RP2: variants seen among roughly 807,000 people sequenced by gnomAD.
The protein encoded by RP2 is protein XRP2.
Under a neutral mutation model 20.3 loss-of-function variants are expected in RP2, and 3 were observed. The observed-to-expected ratio is 0.15, with a 90% CI of 0.07 to 0.38. RP2 has a LOEUF of 0.38. RP2 is among the 10% of genes least tolerant of loss of function. RP2 has a pLI of 1.00. For missense variants in RP2, 233 were observed against 268.5 expected, an observed-to-expected ratio of 0.87 and a Z score of 0.92; for synonymous variants, 75 against 94.8, an observed-to-expected ratio of 0.79 and a Z score of 1.22.
In RP2 at chrX:46,864,258, G is replaced by A. The variant is rs1031987533; in HGVS notation, c.883+4156G>A. Among the ~76,000 whole-genome samples the A allele has an allele frequency of 4.5e-5, 5 of 111,545 alleles. No individual in the cohort carries two copies. In the East Asian group the frequency reaches 1.1e-3, roughly 25 times the overall value. On this transcript the variant is annotated intron_variant, in intron 3 of 4. Transcript: ENST00000218340. ...GTTGAGGCTGCAGTGACCCATGATC[G>A]TGCCACTGCACTCGAGCTTGGGCAG...
chrX:46,838,025 C>T (rs1464862253), intron 1 of RP2, among the ~76,000 whole-genome samples: 1 of 112,605 alleles, frequency 8.9e-6, no homozygotes, highest in Non-Finnish European at 1.9e-5. Flanking sequence ...ACATAGTTCT[C>T]CATTTGTGCT....
chrX:46,881,700 C>T lies in RP2; in HGVS notation c.*1931C>T, dbSNP rs1925472629. On this transcript the variant is annotated 3_prime_UTR_variant, in exon 5 of 5. Transcript: ENST00000218340. ...ACGTTGGTCAGGCTGGTCTCGAACT[C>T]CTGACCTCAGGTGATCCGTCCACCT... The T allele has an allele frequency of 9.0e-6, 1 of 110,696 alleles. No individual in the cohort carries two copies. The highest frequency in any genetic ancestry group is 1.9e-5 in the Non-Finnish European group (1 of 52,996). The allele number at this position is 110,696 out of a possible 1,213,427, so 9.1% of individuals were successfully genotyped here. A position where few individuals can be genotyped will look rare whatever the true frequency, so the allele number is the denominator to read the frequency against.
chrX:46,877,461 A>G lies in RP2; in HGVS notation c.884-44A>G, dbSNP rs542369222. 152 of 865,342 alleles carry G rather than the reference A, an allele frequency of 1.8e-4. 1 individual carries two copies. The South Asian group carries it at 2.5e-3, about 14-fold the overall frequency. 71.3% of individuals were successfully genotyped at this position (865,342 alleles called of 1,213,427 possible). A position where few individuals can be genotyped will look rare whatever the true frequency, so the allele number is the denominator to read the frequency against. Reference sequence around the variant, plus strand: ...AATAAAAAGATTAAATTTAGAATATATTTGTATTTGTGTTAAGAAAATGTT... The same window carrying G: ...AATAAAAAGATTAAATTTAGAATATGTTTGTATTTGTGTTAAGAAAATGTT... On this transcript the variant is annotated intron_variant, in intron 3 of 4. Transcript: ENST00000218340.
chrX:46,879,364 T>C (rs782199185), intron 4 of RP2, among the ~76,000 whole-genome samples: 26 of 111,728 alleles, frequency 2.3e-4, no homozygotes, highest in Non-Finnish European at 4.5e-4. Context: ...AAAGAGTTTT[T>C]TAAGTGACTC....
Position 46,863,950 on chromosome X carries a change from C to A in RP2, c.883+3848C>A, listed in dbSNP as rs193088752. Among the ~76,000 whole-genome samples, 13 of 111,886 alleles carry A rather than the reference C, an allele frequency of 1.2e-4. No individual in the cohort carries two copies. The East Asian group carries it at 3.6e-3, about 31-fold the overall frequency. Reference sequence around the variant, plus strand: ...TATTTGACTGCTTAATAAGAGAATTCATTGTTTTCCATCATGAGGATCTCC... The same window carrying A: ...TATTTGACTGCTTAATAAGAGAATTAATTGTTTTCCATCATGAGGATCTCC... On this transcript the variant is annotated intron_variant, in intron 3 of 4. Transcript: ENST00000218340.
chrX:46,856,949 C>T (rs7886511), intron 2 of RP2, among the ~76,000 whole-genome samples: 24 of 111,336 alleles, frequency 2.2e-4, no homozygotes, highest in African/African-American at 5.2e-4. Flanking sequence ...GAGATGAGTT[C>T]GCAGGGAAAT....
intron 3 of RP2, among the ~76,000 whole-genome samples, chrX:46,864,470 C>T (rs372870620): frequency 1.8e-4 from 19 of 108,058 alleles, no homozygotes; most frequent in East Asian, 2.9e-4. Flanking sequence ...CCTCTGACTC[C>T]GGAGCTCGAG....
intron 1 of RP2, 56 bp from the exon 2 acceptor site, chrX:46,853,420 T>A: frequency 9.1e-7 from 1 of 1,094,621 alleles, no homozygotes; most frequent in Non-Finnish European, 1.2e-6. Flanking sequence ...AGTCCTTTAG[T>A]TGATACTTGT....
At chrX:46,850,065 T>C (rs1464871049) in intron 1 of RP2, among the ~76,000 whole-genome samples, 2 of 112,157 alleles carry the variant, frequency 1.8e-5, no homozygotes, top group Non-Finnish European at 3.8e-5. Context: ...CATAACAAAA[T>C]ACCACAGACT....
chrX:46,853,437 A>G (rs1556318511), intron 1 of RP2, 39 bp from the exon 2 acceptor site: 1 of 1,159,620 alleles, frequency 8.6e-7, no homozygotes, highest in African/African-American at 1.8e-5. Context: ...TTGTTGAATA[A>G]TGTTAATAAT....
intron 1 of RP2, among the ~76,000 whole-genome samples, chrX:46,839,077 CCA>C (rs1388072478): frequency 9.0e-6 from 1 of 110,985 alleles, no homozygotes; most frequent in Non-Finnish European, 1.9e-5. Context: ...GAAAAAAACC[CCA>C]GTTTTAAAAT....
intron 1 of RP2, among the ~76,000 whole-genome samples, chrX:46,851,013 T>C (rs1924850388): frequency 8.9e-6 from 1 of 111,911 alleles, no homozygotes; most frequent in African/African-American, 3.2e-5. Context: ...TGCCTCATAC[T>C]GCAGACCAGT....
chrX:46,848,969 G>T (rs184309132), intron 1 of RP2, among the ~76,000 whole-genome samples: 41 of 108,447 alleles, frequency 3.8e-4, no homozygotes, highest in African/African-American at 1.4e-3. Flanking sequence ...GGTCGAGGCT[G>T]CAGTGAGCTG....
In RP2 at chrX:46,880,898, C is replaced by G. The variant is rs1556328618; in HGVS notation, c.*1129C>G. ...TCTGTTTTAAGGGGTATGTTGTAAT[C>G]TAAAGTAATTGGTTCAGGAGGTGTC... is the stretch of plus-strand genomic sequence containing the variant. On this transcript the variant is annotated 3_prime_UTR_variant, in exon 5 of 5. Transcript: ENST00000218340. 9.0e-6 allele frequency: 1 copy of G among 111,412 alleles called. No individual in the cohort carries two copies. The highest frequency in any genetic ancestry group is 1.9e-5 in the Non-Finnish European group (1 of 53,106). The allele number at this position is 111,412 out of a possible 1,213,427, so 9.2% of individuals were successfully genotyped here.
chrX:46,842,324 G>C (rs1569531100), intron 1 of RP2, among the ~76,000 whole-genome samples: 1 of 111,817 alleles, frequency 8.9e-6, no homozygotes, highest in Non-Finnish European at 1.9e-5. Flanking sequence ...TTTCAAAATA[G>C]CTAGAAGAGA....
At chrX:46,850,049 G>A (rs781899789) in intron 1 of RP2, among the ~76,000 whole-genome samples, 1 of 112,238 alleles carries the variant, frequency 8.9e-6, no homozygotes, top group African/African-American at 3.2e-5. Flanking sequence ...GACTAAAACA[G>A]GCTGCCATAA....
intron 1 of RP2, among the ~76,000 whole-genome samples, chrX:46,848,282 C>T (rs1016171957): frequency 1.8e-5 from 2 of 109,484 alleles, no homozygotes; most frequent in Non-Finnish European, 3.8e-5. Flanking sequence ...ATAAGATGTT[C>T]ATTTTTGTTT....
At chrX:46,874,444 G>T (rs1435064647) in intron 3 of RP2, among the ~76,000 whole-genome samples, 1 of 110,356 alleles carries the variant, frequency 9.1e-6, no homozygotes, top group African/African-American at 3.3e-5. Flanking sequence ...TATTTATTAG[G>T]TTTAAAGTAC....
intron 1 of RP2, among the ~76,000 whole-genome samples, chrX:46,847,929 CATATAT>C (rs10533014): frequency 0.075 from 6,197 of 82,240 alleles, 388 homozygotes; most frequent in African/African-American, 0.19. Flanking sequence ...TGTGTATATA[CATATAT>C]ATATATATAT....
Sources: gnomAD v4.1 joint callset for allele counts (sites outside exome capture counted in the v4.1 genomes callset) on GRCh38, gnomAD v4.1.1 for gene constraint, MANE v1.5 for transcripts, NCBI Gene and HGNC (gene_info 2026-07-23, HGNC 2026-07-21) for gene names.